NRG3: variants seen among roughly 807,000 people sequenced by gnomAD.
NRG3 encodes neuregulin 3, also known as pro-neuregulin-3, membrane-bound isoform.
A neutral mutation model predicts 66.9 loss-of-function variants in NRG3; 31 were observed. The observed-to-expected ratio is 0.46, with a 90% CI of 0.35 to 0.63. The LOEUF is 0.63. Among genes scored for constraint, NRG3 ranks in the 20% least tolerant of loss-of-function variants. The pLI, the probability that NRG3 is intolerant of heterozygous loss-of-function variation, is 0.00. For missense variants in NRG3, 910 were observed against 878.9 expected (o/e 1.04, Z -0.45); for synonymous variants, 393 against 359.4 (o/e 1.09, Z -1.06).
At chr10:82,290,951 A>G (rs1323764356) in intron 1 of NRG3, among the ~76,000 whole-genome samples, 1 of 152,026 alleles carries the variant, frequency 6.6e-6, no homozygotes, top group African/African-American at 2.4e-5. Context: ...CTGACTTCAA[A>G]TAATTTTAAA....
intron 2 of NRG3, among the ~76,000 whole-genome samples, chr10:82,379,821 G>T (rs1272479967): frequency 6.7e-6 from 1 of 150,348 alleles, no homozygotes; most frequent in Non-Finnish European, 1.5e-5. Context: ...AACTTCAAGT[G>T]GAATGGAAGC....
intron 1 of NRG3, among the ~76,000 whole-genome samples, chr10:81,919,377 T>C (rs1846034093): frequency 6.6e-6 from 1 of 152,210 alleles, no homozygotes. Flanking sequence ...GAACGTCTCC[T>C]CCCTAATCTG....
chr10:81,905,119 G>C (rs536255234), intron 1 of NRG3, among the ~76,000 whole-genome samples: 1 of 152,244 alleles, frequency 6.6e-6, no homozygotes, highest in Admixed American at 6.5e-5. Context: ...TATCAAAAAA[G>C]GAAAGGGCTT....
At position 82,112,562 on chromosome 10, in the gene NRG3, T is replaced by G. The variant is rs369538829; in HGVS notation, c.823+236399T>G. On this transcript the variant is annotated intron_variant, in intron 1 of 8. Coordinates refer to ENST00000372141, the MANE Select transcript of NRG3 (RefSeq NM_001010848.4). ...GTGAAAATGTTTATCAAGTATTTTC[T>G]TAAACAGTTTATAATTTGCACATTT... is the stretch of plus-strand genomic sequence containing the variant. Among the ~76,000 whole-genome samples the G allele has an allele frequency of 6.6e-5, 10 of 152,310 alleles. 1 individual carries two copies. Among genetic ancestry groups the G allele is most frequent in the African/African-American group, 2.4e-4 (10 of 41,584 alleles).
At chr10:82,823,172 A>G (rs2062028817) in intron 3 of NRG3, among the ~76,000 whole-genome samples, 1 of 152,166 alleles carries the variant, frequency 6.6e-6, no homozygotes, top group African/African-American at 2.4e-5. Flanking sequence ...AATCTTCCTT[A>G]GGGTAATCCT....
chr10:82,375,514 G>A (rs903871678), intron 2 of NRG3, among the ~76,000 whole-genome samples: 1 of 148,428 alleles, frequency 6.7e-6, no homozygotes, highest in African/African-American at 2.6e-5. Flanking sequence ...TCCAGCCTGG[G>A]CGACAGAGTG....
chr10:82,444,041 A>G (rs912039031), intron 2 of NRG3, among the ~76,000 whole-genome samples: 10 of 152,240 alleles, frequency 6.6e-5, no homozygotes, highest in Non-Finnish European at 1.2e-4. Flanking sequence ...GACTATCAAC[A>G]TTTGGCAGTC....
chr10:82,245,149 C>A (rs1399502965), intron 1 of NRG3, among the ~76,000 whole-genome samples: 1 of 152,084 alleles, frequency 6.6e-6, no homozygotes, highest in Non-Finnish European at 1.5e-5. Flanking sequence ...TGTGTTCCTG[C>A]AACTAGAGGG....
chr10:82,136,532 T>A (rs1019307720), intron 1 of NRG3, among the ~76,000 whole-genome samples: 4 of 152,182 alleles, frequency 2.6e-5, no homozygotes, highest in Non-Finnish European at 5.9e-5. Flanking sequence ...GTTGAGCTGG[T>A]AGCAAAGCCA....
chr10:81,921,706 G>A (rs2132875390), intron 1 of NRG3, among the ~76,000 whole-genome samples: 1 of 152,078 alleles, frequency 6.6e-6, no homozygotes, highest in Admixed American at 6.5e-5. Flanking sequence ...TTCCTTTTTA[G>A]TAGCAAGCAC....
intron 1 of NRG3, among the ~76,000 whole-genome samples, chr10:82,010,616 G>T (rs77029973): frequency 1.3e-5 from 2 of 152,280 alleles, no homozygotes; most frequent in South Asian, 4.1e-4. Context: ...AACAGGAAAG[G>T]TTCCAGAAGT....
chr10:82,768,686 C>A (rs2059607249), intron 3 of NRG3, among the ~76,000 whole-genome samples: 1 of 152,068 alleles, frequency 6.6e-6, no homozygotes, highest in African/African-American at 2.4e-5. Context: ...ATGTTATTAA[C>A]TATTTTAATG....
chr10:82,637,231 C>G, intron 2 of NRG3, among the ~76,000 whole-genome samples: 1 of 151,800 alleles, frequency 6.6e-6, no homozygotes, highest in East Asian at 1.9e-4. Context: ...ACACATAAGC[C>G]TTTTTAAACG....
rs188122248 is a variant in NRG3 at position 82,539,236 on chromosome 10, C to T, written c.953+180368C>T. Among the ~76,000 whole-genome samples, 3 of 152,318 alleles carry T rather than the reference C, an allele frequency of 2.0e-5. No individual in the cohort carries two copies. The East Asian group carries it at 5.8e-4, about 29-fold the overall frequency. Reference sequence around the variant, plus strand: ...TAATGAAGAATGTCTGCATGGACTGCATGATAAGGGTTTTGTGCAATTGTT... The same window carrying T: ...TAATGAAGAATGTCTGCATGGACTGTATGATAAGGGTTTTGTGCAATTGTT... On this transcript the variant is annotated intron_variant, in intron 2 of 8. Transcript: ENST00000372141.
intron 2 of NRG3, among the ~76,000 whole-genome samples, chr10:82,380,212 C>A (rs2085520911): frequency 6.6e-6 from 1 of 151,906 alleles, no homozygotes; most frequent in Non-Finnish European, 1.5e-5. Flanking sequence ...TGTTGCATTC[C>A]AAGGATGAAA....
intron 3 of NRG3, among the ~76,000 whole-genome samples, chr10:82,822,704 T>A (rs1260056906): frequency 1.3e-5 from 2 of 152,018 alleles, no homozygotes; most frequent in Non-Finnish European, 2.9e-5. Flanking sequence ...AGAAAATATG[T>A]CCAATATGCC....
chr10:82,429,065 A>G (rs889344317), intron 2 of NRG3, among the ~76,000 whole-genome samples: 1 of 151,990 alleles, frequency 6.6e-6, no homozygotes. Context: ...TGCAATTTAC[A>G]TGTTAATTTA....
intron 1 of NRG3, among the ~76,000 whole-genome samples, chr10:82,353,132 C>G (rs1028974600): frequency 3.3e-4 from 50 of 152,104 alleles, no homozygotes; most frequent in African/African-American, 1.1e-3. Flanking sequence ...GTCACATTAA[C>G]TGAGACTGGG....
intron 3 of NRG3, among the ~76,000 whole-genome samples, chr10:82,850,325 G>T (rs168201): frequency 6.6e-6 from 1 of 151,968 alleles, no homozygotes; most frequent in Admixed American, 6.6e-5. Flanking sequence ...TCCCACTCAT[G>T]TCTTTGATTG....
Sources: allele counts gnomAD v4.1 joint callset (sites outside exome capture counted in the v4.1 genomes callset), GRCh38; gene constraint gnomAD v4.1.1; transcripts MANE v1.5; gene names NCBI Gene and HGNC (gene_info 2026-07-23, HGNC 2026-07-21).